Variants in AGTPBP1 observed in about 807,000 individuals in gnomAD.
AGTPBP1 encodes the protein ATP/GTP binding carboxypeptidase 1, also known as cytosolic carboxypeptidase 1.
In AGTPBP1, 70 loss-of-function variants were observed where a neutral mutation model predicts 143.9. The observed-to-expected ratio is 0.49, with a 90% CI of 0.40 to 0.59. The LOEUF (loss-of-function observed/expected upper bound fraction) is 0.59. AGTPBP1 is among the 20% of genes least tolerant of loss of function. The pLI, the probability that AGTPBP1 is intolerant of heterozygous loss-of-function variation, is 0.00. For synonymous variants in AGTPBP1, 463 were observed against 500.2 expected (o/e 0.93, Z 0.99); for missense variants, 1,229 against 1,464.5 (o/e 0.84, Z 2.62).
the AGTPBP1 span, among the ~76,000 whole-genome samples, chr9:85,768,400 A>G: frequency 6.6e-6 from 1 of 152,222 alleles, no homozygotes; most frequent in Non-Finnish European, 1.5e-5. Context: ...AAGAGACACC[A>G]TGTACATCAG....
intron 11 of AGTPBP1, among the ~76,000 whole-genome samples, chr9:85,653,686 C>T (rs1391737615): frequency 2.6e-5 from 4 of 152,158 alleles, no homozygotes; most frequent in Non-Finnish European, 5.9e-5. Context: ...GTGCTAATGG[C>T]ACCTCAACTT....
intron 8 of AGTPBP1, among the ~76,000 whole-genome samples, chr9:85,663,101 T>C (rs951293458): frequency 3.3e-5 from 5 of 152,046 alleles, no homozygotes; most frequent in African/African-American, 4.8e-5. Flanking sequence ...ATTGAGGACA[T>C]AGAGGGTCCA....
chr9:85,706,466 C>A (rs1354058940), intron 2 of AGTPBP1, among the ~76,000 whole-genome samples: 3 of 147,608 alleles, frequency 2.0e-5, no homozygotes, highest in Non-Finnish European at 4.4e-5. Context: ...GCCAAGATTG[C>A]ACCACTGCAC....
intron 23 of AGTPBP1, 37 bp from the exon 24 acceptor site, chr9:85,579,133 A>G: frequency 6.5e-7 from 1 of 1,546,880 alleles, no homozygotes; most frequent in Non-Finnish European, 8.7e-7. Flanking sequence ...AAAATAAACC[A>G]AGTTTTTAAT....
intron 1 of AGTPBP1, among the ~76,000 whole-genome samples, chr9:85,739,480 G>C (rs1824074188): frequency 6.6e-6 from 1 of 151,820 alleles, no homozygotes; most frequent in Admixed American, 6.6e-5. Context: ...AGGCCGAGGT[G>C]GGCAGACCAC....
chr9:85,706,788 A>C (rs1242054451), intron 2 of AGTPBP1, among the ~76,000 whole-genome samples: 1 of 152,062 alleles, frequency 6.6e-6, no homozygotes, highest in East Asian at 1.9e-4. Context: ...AGGCAGGAGA[A>C]TGGCGTAAAC....
chr9:85,757,201 G>A, the AGTPBP1 span, among the ~76,000 whole-genome samples: 3 of 152,020 alleles, frequency 2.0e-5, no homozygotes, highest in African/African-American at 2.4e-5. Context: ...CGAGTAGCTC[G>A]GACTACAGGC....
the AGTPBP1 span, chr9:85,792,123 C>A: frequency 2.6e-5 from 4 of 151,962 alleles, no homozygotes; most frequent in African/African-American, 9.7e-5. Context: ...TTTTGTCTAC[C>A]GAAAAACCTG....
At chr9:85,714,267 G>T (rs1283792766) in intron 1 of AGTPBP1, among the ~76,000 whole-genome samples, 1 of 152,186 alleles carries the variant, frequency 6.6e-6, no homozygotes, top group Non-Finnish European at 1.5e-5. Context: ...AGCTGAAGAG[G>T]GTCCATAGGT....
chr9:85,677,607 T>A, intron 5 of AGTPBP1, 25 bp from the exon 6 acceptor site: 3 of 1,457,224 alleles, frequency 2.1e-6, no homozygotes, highest in African/African-American at 1.5e-5. Flanking sequence ...AAAAAAAAAT[T>A]TAAACAACAA....
At chr9:85,649,820 A>AT (rs529861906) in intron 11 of AGTPBP1, among the ~76,000 whole-genome samples, 93 of 152,280 alleles carry the variant, frequency 6.1e-4, no homozygotes, top group African/African-American at 2.2e-3. Context: ...TACTGATAAT[A>AT]TATTTTACTA....
chr9:85,697,346 T>C (rs1836311612), intron 2 of AGTPBP1, among the ~76,000 whole-genome samples: 1 of 151,864 alleles, frequency 6.6e-6, no homozygotes, highest in Non-Finnish European at 1.5e-5. Flanking sequence ...CATAGTTATT[T>C]TTAATGCAAA....
the AGTPBP1 span, chr9:85,773,878 A>G: frequency 8.1e-6 from 13 of 1,610,934 alleles, no homozygotes; most frequent in East Asian, 2.2e-5. Context: ...CAACAATTAT[A>G]TAATGAAGAA....
chr9:85,688,890 T>C (rs1564146576), intron 3 of AGTPBP1, among the ~76,000 whole-genome samples: 1 of 152,330 alleles, frequency 6.6e-6, no homozygotes, highest in East Asian at 1.9e-4. Context: ...TCCTATTCCA[T>C]CAATATAGCT....
intron 25 of AGTPBP1, among the ~76,000 whole-genome samples, chr9:85,558,220 T>A (rs1239555859): frequency 6.6e-6 from 1 of 152,338 alleles, no homozygotes; most frequent in Admixed American, 6.5e-5. Flanking sequence ...GCTAAGTGAA[T>A]GAAATCAGAC....
intron 23 of AGTPBP1, among the ~76,000 whole-genome samples, chr9:85,582,983 T>C (rs1362791106): frequency 6.6e-6 from 1 of 151,866 alleles, no homozygotes; most frequent in Non-Finnish European, 1.5e-5. Flanking sequence ...ATTATCTTAG[T>C]GGCCCTTACC....
intron 11 of AGTPBP1, among the ~76,000 whole-genome samples, chr9:85,654,453 T>C (rs1455665694): frequency 6.6e-6 from 1 of 152,158 alleles, no homozygotes; most frequent in African/African-American, 2.4e-5. Flanking sequence ...TTGTTTTTTT[T>C]TAACTTAAGA....
At chr9:85,592,282 T>A (rs1016528651) in intron 19 of AGTPBP1, among the ~76,000 whole-genome samples, 4 of 151,936 alleles carry the variant, frequency 2.6e-5, no homozygotes, top group African/African-American at 9.7e-5. Context: ...TAAAAAAAAA[T>A]AAGAGCTACA....
chr9:85,705,162 A>C (rs1836902152), intron 2 of AGTPBP1, among the ~76,000 whole-genome samples: 1 of 151,860 alleles, frequency 6.6e-6, no homozygotes, highest in Non-Finnish European at 1.5e-5. Context: ...AATTTTTCCA[A>C]TTTTGATAAG....
Sources: gnomAD v4.1 joint callset for allele counts (sites outside exome capture counted in the v4.1 genomes callset) on GRCh38, gnomAD v4.1.1 for gene constraint, MANE v1.5 for transcripts, NCBI Gene and HGNC (gene_info 2026-07-23, HGNC 2026-07-21) for gene names.